Variants in TJP1 observed in about 807,000 individuals in gnomAD.
The protein encoded by TJP1 is tight junction protein 1.
In TJP1, 43 loss-of-function variants were observed where a neutral mutation model predicts 194.2. That is an observed-to-expected ratio of 0.22 (90% CI 0.17 to 0.29). The LOEUF is 0.29. Among genes scored for constraint, TJP1 ranks in the 10% least tolerant of loss-of-function variants. The pLI is 1.00. For synonymous variants in TJP1, 801 were observed against 779.0 expected (o/e 1.03, Z -0.47); for missense variants, 1,971 against 2,185.7 (o/e 0.90, Z 1.96).
intron 2 of TJP1, among the ~76,000 whole-genome samples, chr15:29,941,973 G>A (rs2055096550): frequency 6.6e-6 from 1 of 152,178 alleles, no homozygotes; most frequent in South Asian, 2.1e-4. Context: ...AGGAGAGGTG[G>A]CTGCGGTCTC....
intron 27 of TJP1, among the ~76,000 whole-genome samples, chr15:29,702,000 G>A (rs1255594813): frequency 6.6e-6 from 1 of 151,484 alleles, no homozygotes; most frequent in Non-Finnish European, 1.5e-5. Context: ...CAAGTGCATT[G>A]GCCTTTTCAA....
At chr15:29,861,566 C>T (rs1025660305) in intron 2 of TJP1, among the ~76,000 whole-genome samples, 2 of 152,130 alleles carry the variant, frequency 1.3e-5, no homozygotes, top group African/African-American at 4.8e-5. Flanking sequence ...TTTTCATGTG[C>T]TTATTATCTA....
chr15:29,866,314 G>T (rs556498946), intron 2 of TJP1, among the ~76,000 whole-genome samples: 3 of 152,310 alleles, frequency 2.0e-5, no homozygotes, highest in African/African-American at 7.2e-5. Flanking sequence ...ATTAGCTTAA[G>T]TCATTAACTA....
chr15:29,964,073 G>T (rs1029271423), intron 1 of TJP1, among the ~76,000 whole-genome samples: 9 of 152,304 alleles, frequency 5.9e-5, no homozygotes, highest in African/African-American at 1.9e-4. Flanking sequence ...CCTCATACCT[G>T]CAGAACAGCA....
chr15:29,776,101 A>G (rs947603033), intron 2 of TJP1, among the ~76,000 whole-genome samples: 6 of 152,160 alleles, frequency 3.9e-5, no homozygotes, highest in Non-Finnish European at 8.8e-5. Context: ...TAACCCCCCA[A>G]TATTACAGCT....
chr15:29,821,733 C>T (rs1323498718), intron 1 of TJP1, among the ~76,000 whole-genome samples: 1 of 151,968 alleles, frequency 6.6e-6, no homozygotes, highest in South Asian at 2.1e-4. Flanking sequence ...CAGGCACAGG[C>T]GCCGGCAGCT....
At position 29,718,392 on chromosome 15, in the gene TJP1, T is replaced by A. The variant is rs1473175255; in HGVS notation, c.3750A>T (p.Gln1250His). ...NTKPLPPPPTQTEEEEDPAMK... is the reference protein window; with the variant it reads ...NTKPLPPPPTHTEEEEDPAMK... Reference sequence around the variant, plus strand: ...TTGCTGGATCTTCCTCTTCTTCGGTTTGAGTTGGGGGTGGAGGCAGTGGTT... The same window carrying A: ...TTGCTGGATCTTCCTCTTCTTCGGTATGAGTTGGGGGTGGAGGCAGTGGTT... Residue 1250 changes from glutamine (Q) to histidine (H), a missense_variant, in exon 21 of 28, where the codon CAA becomes CAT. This residue lies in a region of TJP1 where 1,108 missense variants were observed against 1,128.5 expected (regional missense o/e 0.98). Coordinates refer to ENST00000614355, the MANE Select transcript of TJP1 (RefSeq NM_001330239.4). 1 of 1,614,032 alleles carries A rather than the reference T, an allele frequency of 6.2e-7. No homozygotes were observed. Among genetic ancestry groups the A allele is most frequent in the South Asian group, 1.1e-5 (1 of 91,080 alleles).
At chr15:29,901,114 G>A (rs187720277) in intron 2 of TJP1, among the ~76,000 whole-genome samples, 1 of 152,182 alleles carries the variant, frequency 6.6e-6, no homozygotes, top group Non-Finnish European at 1.5e-5. Context: ...CGATGAGAAT[G>A]GCACAGCTGG....
At chr15:29,843,735 A>G (rs761957032) in intron 2 of TJP1, among the ~76,000 whole-genome samples, 2 of 152,180 alleles carry the variant, frequency 1.3e-5, no homozygotes, top group Non-Finnish European at 2.9e-5. Flanking sequence ...GAAGAAAGTG[A>G]AGGAGGAGGA....
At chr15:29,901,820 C>CAA (rs35491657) in intron 2 of TJP1, among the ~76,000 whole-genome samples, 7 of 119,968 alleles carry the variant, frequency 5.8e-5, no homozygotes, top group African/African-American at 1.5e-4. Context: ...GACTCTATCT[C>CAA]AAAAAAAAAA....
intron 1 of TJP1, among the ~76,000 whole-genome samples, chr15:29,964,237 A>G (rs532381074): frequency 6.6e-6 from 1 of 152,330 alleles, no homozygotes; most frequent in South Asian, 2.1e-4. Flanking sequence ...GGAATAAGGA[A>G]GCAAGACTCA....
chr15:29,761,499 G>T, intron 7 of TJP1, 102 bp downstream of exon 7: 1 of 1,422,760 alleles, frequency 7.0e-7, no homozygotes, highest in Non-Finnish European at 9.5e-7. Flanking sequence ...GAAGGTGTTT[G>T]GCTGGTAGAA....
At chr15:29,921,558 A>G (rs1055887345) in intron 2 of TJP1, among the ~76,000 whole-genome samples, 2 of 152,120 alleles carry the variant, frequency 1.3e-5, no homozygotes, top group Non-Finnish European at 2.9e-5. Flanking sequence ...ATGTGTGGGC[A>G]CAGCTCTCAC....
intron 2 of TJP1, among the ~76,000 whole-genome samples, chr15:29,914,588 C>T (rs1215570053): frequency 1.3e-5 from 2 of 151,958 alleles, no homozygotes; most frequent in African/African-American, 4.8e-5. Context: ...TAGGAGCAGC[C>T]CTGTGCAGAA....
At chr15:29,838,903 C>T (rs554723514) in intron 2 of TJP1, among the ~76,000 whole-genome samples, 3 of 151,920 alleles carry the variant, frequency 2.0e-5, no homozygotes, top group Non-Finnish European at 2.9e-5. Flanking sequence ...TGTTCATCAC[C>T]GTAACTTCCT....
intron 2 of TJP1, among the ~76,000 whole-genome samples, chr15:29,774,014 CA>C (rs747760102): frequency 6.6e-6 from 1 of 152,072 alleles, no homozygotes; most frequent in Non-Finnish European, 1.5e-5. Flanking sequence ...AGAAAAAATT[CA>C]AAATATTTTC....
Position 29,708,738 on chromosome 15 carries a change from AGTT to A in TJP1, c.4668_4670del (p.Glu1556_Thr1557delinsAsp), listed in dbSNP as rs1566859590. ...TTGAAGACAAGTCAGGTTTATGTGC[AGTT>A]TCACTTGGCAGAAGATTGTGATTGA... On this transcript the variant is annotated inframe_deletion, in exon 25 of 28. Transcript: ENST00000614355. The A allele has an allele frequency of 1.1e-5, 17 of 1,614,256 alleles. No individual in the cohort carries two copies. The highest frequency in any genetic ancestry group is 1.4e-5 in the Non-Finnish European group (17 of 1,180,046).
chr15:29,859,272 C>A (rs1411432652), intron 2 of TJP1, among the ~76,000 whole-genome samples: 4 of 152,150 alleles, frequency 2.6e-5, no homozygotes, highest in African/African-American at 9.7e-5. Flanking sequence ...ACTGATGAGA[C>A]ACTATGGTAG....
intron 2 of TJP1, among the ~76,000 whole-genome samples, chr15:29,785,663 C>T (rs577951166): frequency 2.0e-4 from 30 of 152,056 alleles, no homozygotes; most frequent in Admixed American, 7.9e-4. Flanking sequence ...TTGTACAATC[C>T]GCTAATTATA....
Sources: allele counts gnomAD v4.1 joint callset (sites outside exome capture counted in the v4.1 genomes callset), GRCh38; gene constraint gnomAD v4.1.1; regional missense constraint gnomAD v4.1.1; transcripts MANE v1.5; gene names NCBI Gene and HGNC (gene_info 2026-07-23, HGNC 2026-07-21).